Variants in PIKFYVE observed in about 807,000 individuals in gnomAD.
The protein encoded by PIKFYVE is 1-phosphatidylinositol 3-phosphate 5-kinase.
PIKFYVE carries 122 observed loss-of-function variants against 257.9 expected under a neutral mutation model. The ratio of observed to expected loss-of-function variants is 0.47; its 90% CI spans 0.41 to 0.55. PIKFYVE has a LOEUF of 0.55. Among genes scored for constraint, PIKFYVE ranks in the 20% least tolerant of loss-of-function variants. PIKFYVE has a pLI of 0.00. For missense variants in PIKFYVE, 2,160 were observed against 2,536.6 expected, an observed-to-expected ratio of 0.85 and a Z score of 3.19; for synonymous variants, 892 against 868.9, an observed-to-expected ratio of 1.03 and a Z score of -0.47.
At chr2:208,333,625 G>T in intron 24 of PIKFYVE, 132 bp downstream of exon 24, 1 of 951,446 alleles carries the variant, frequency 1.1e-6, no homozygotes, top group Non-Finnish European at 1.6e-6. Context: ...AAATGCAGAG[G>T]ACCAGACTGT....
At chr2:208,273,395 C>A (rs1038835499) in intron 2 of PIKFYVE, among the ~76,000 whole-genome samples, 189 bp from the exon 3 acceptor site, 2 of 151,562 alleles carry the variant, frequency 1.3e-5, no homozygotes, top group Non-Finnish European at 2.9e-5. Context: ...GCCAGGAGTT[C>A]AGTACCAGCC....
chr2:208,285,152 A>G (rs1014302495), intron 5 of PIKFYVE, among the ~76,000 whole-genome samples: 4 of 152,116 alleles, frequency 2.6e-5, no homozygotes, highest in South Asian at 4.2e-4. Context: ...CTGGAGTGCA[A>G]TGGCACAGTC....
In PIKFYVE at chr2:208,325,982, C is replaced by T. The variant is rs1026074485; in HGVS notation, c.3171C>T (p.Ser1057=). The T allele has an allele frequency of 1.2e-6, 2 of 1,613,934 alleles. No homozygotes were observed. Among genetic ancestry groups the T allele is most frequent in the African/African-American group, 1.3e-5 (1 of 75,006 alleles). Residue 1057 remains serine, a synonymous_variant, in exon 20 of 42, where the codon TCC becomes TCT. Coordinates refer to ENST00000264380, the MANE Select transcript of PIKFYVE (RefSeq NM_015040.4). ...QELKDVILCI[S]PVITFREPFL... is the part of the protein sequence containing the mutation. ...TAAAAGATGTGATCCTCTGTATCTCCCCAGTAATCACATTCCGAGAACCCT... is the reference window on the plus strand; with the variant it reads ...TAAAAGATGTGATCCTCTGTATCTCTCCAGTAATCACATTCCGAGAACCCT...
intron 35 of PIKFYVE, among the ~76,000 whole-genome samples, chr2:208,349,372 TAAAC>T (rs1699547120): frequency 6.6e-6 from 1 of 151,906 alleles, no homozygotes; most frequent in African/African-American, 2.4e-5. Context: ...CTCTAATAAT[TAAAC>T]AGAAAGTAGT....
intron 12 of PIKFYVE, among the ~76,000 whole-genome samples, chr2:208,305,849 A>G (rs1470043886): frequency 6.6e-6 from 1 of 152,230 alleles, no homozygotes; most frequent in African/African-American, 2.4e-5. Context: ...GTAATAACTG[A>G]AAAATCATTA....
intron 32 of PIKFYVE, 117 bp downstream of exon 32, chr2:208,342,766 A>G: frequency 1.4e-6 from 1 of 726,744 alleles, no homozygotes; most frequent in South Asian, 1.5e-5. Flanking sequence ...AAGCAAAAAT[A>G]TATGTTCTTT....
chr2:208,345,889 C>G (rs1451113714), intron 33 of PIKFYVE, among the ~76,000 whole-genome samples, 161 bp from the exon 34 acceptor site: 1 of 151,908 alleles, frequency 6.6e-6, no homozygotes, highest in Non-Finnish European at 1.5e-5. Context: ...TTTCTGTGTT[C>G]TAGCCTGTGT....
Position 208,358,467 on chromosome 2 carries a change from T to C in PIKFYVE, c.*3162T>C, listed in dbSNP as rs1700288649. 6.6e-6 allele frequency: 1 copy of C among 152,584 alleles called. No individual in the cohort carries two copies. The highest frequency in any genetic ancestry group is 2.1e-4 in the South Asian group (1 of 4,830). The allele number at this position is 152,584 out of a possible 1,614,324, so 9.5% of individuals were successfully genotyped here. A position where few individuals can be genotyped will look rare whatever the true frequency, so the allele number is the denominator to read the frequency against. ...TAAAAACTACAATCATTAGCAGTTT[T>C]AATACTGCTGTGTCAGTTTTGTAAA... On this transcript the variant is annotated 3_prime_UTR_variant, in exon 42 of 42. Transcript: ENST00000264380.
intron 25 of PIKFYVE, 122 bp downstream of exon 25, chr2:208,335,541 G>A: frequency 1.1e-6 from 1 of 889,056 alleles, no homozygotes; most frequent in South Asian, 1.6e-5. Context: ...TGCATGCTTG[G>A]TGTACAAAAA....
rs769659773 is a variant in PIKFYVE at position 208,350,929 on chromosome 2, G to A, written c.5593G>A (p.Ala1865Thr). ...GGCCCGGGGAGGCAAATCAGGAGCTGCCTTCTATGCAACTGAGGGTGAGCC... is the reference window on the plus strand; with the variant it reads ...GGCCCGGGGAGGCAAATCAGGAGCTACCTTCTATGCAACTGAGGGTGAGCC... ...WQARGGKSGA[A>T]FYATEDDRFI... Residue 1865 changes from alanine (A) to threonine (T), a missense_variant, in exon 37 of 42, where the codon GCC becomes ACC. Physicochemically the swap from Ala to Thr is moderately conservative, Grantham distance 58. This residue lies in a region of PIKFYVE where 699 missense variants were observed against 855.8 expected (regional missense o/e 0.82). Coordinates refer to ENST00000264380, the MANE Select transcript of PIKFYVE (RefSeq NM_015040.4). 1 of 1,614,112 alleles carries A rather than the reference G, an allele frequency of 6.2e-7. No individual in the cohort carries two copies. The highest frequency in any genetic ancestry group is 8.5e-7 in the Non-Finnish European group (1 of 1,180,018).
rs77029623 is a variant in PIKFYVE at position 208,297,660 on chromosome 2, T to C, written c.912-981T>C. 7.7e-4 allele frequency among the ~76,000 whole-genome samples: 117 copies of C among 152,302 alleles called. 1 individual carries two copies. The East Asian group carries it at 0.021, about 28-fold the overall frequency. ...CATAGGATGCTGTGAAGATTAAATGTGGGAAGATACAGATACTGCCCTAAT... is the reference window on the plus strand; with the variant it reads ...CATAGGATGCTGTGAAGATTAAATGCGGGAAGATACAGATACTGCCCTAAT... On this transcript the variant is annotated intron_variant, in intron 7 of 41. Coordinates refer to ENST00000264380, the MANE Select transcript of PIKFYVE (RefSeq NM_015040.4).
intron 10 of PIKFYVE, among the ~76,000 whole-genome samples, chr2:208,303,263 A>G (rs1006034745): frequency 2.5e-5 from 3 of 122,238 alleles, no homozygotes; most frequent in Non-Finnish European, 3.4e-5. Flanking sequence ...ATATAAACAT[A>G]TATATACATA....
intron 31 of PIKFYVE, among the ~76,000 whole-genome samples, chr2:208,341,993 G>GT (rs1265200838): frequency 6.6e-6 from 1 of 151,240 alleles, no homozygotes; most frequent in Non-Finnish European, 1.5e-5. Flanking sequence ...TCTTACACAT[G>GT]TAAGATCCTT....
chr2:208,339,369 T>C (rs757062230), intron 29 of PIKFYVE, 49 bp from the exon 30 acceptor site: 5 of 1,597,534 alleles, frequency 3.1e-6, no homozygotes, highest in South Asian at 1.1e-5. Flanking sequence ...TAGGTAGACA[T>C]GGACTTAATG....
At chr2:208,305,514 T>C (rs1694218120) in intron 12 of PIKFYVE, 1 of 846,352 alleles carries the variant, frequency 1.2e-6, no homozygotes, top group Non-Finnish European at 1.4e-6. Flanking sequence ...ATGTATATTC[T>C]ATATTTATTA....
intron 29 of PIKFYVE, 55 bp downstream of exon 29, chr2:208,338,623 T>C (rs1698403104): frequency 1.9e-6 from 3 of 1,547,156 alleles, no homozygotes; most frequent in Admixed American, 3.3e-5. Flanking sequence ...AATTTCTTAT[T>C]GTATAAGTTG....
chr2:208,312,284 C>T lies in PIKFYVE; in HGVS notation c.1685C>T (p.Ala562Val). The T allele has an allele frequency of 1.2e-6, 2 of 1,609,228 alleles. No homozygotes were observed. The highest frequency in any genetic ancestry group is 1.7e-6 in the Non-Finnish European group (2 of 1,176,702). The change falls in exon 13 of 42, where the codon GCT (alanine) becomes GTT (valine). Residue 562 changes from alanine to valine, a missense_variant. Physicochemically the swap from Ala to Val is moderately conservative, Grantham distance 64. Around this residue, in one of 12 missense-constraint regions of PIKFYVE, gnomAD observed 346 missense variants for 365.6 expected, o/e 0.95. Transcript: ENST00000264380. ...GGACAACAGCTCTCAATAAGTGACGCTTTCATCAAAGGTAATTTTATAAAA... is the reference window on the plus strand; with the variant it reads ...GGACAACAGCTCTCAATAAGTGACGTTTTCATCAAAGGTAATTTTATAAAA... ...TGGQQLSISD[A>V]FIKESLFNRR...
chr2:208,341,001 TA>T (rs1698646607), intron 31 of PIKFYVE, among the ~76,000 whole-genome samples: 1 of 152,092 alleles, frequency 6.6e-6, no homozygotes, highest in South Asian at 2.1e-4. Context: ...CATTTATTTT[TA>T]TTTTTTTAAT....
intron 7 of PIKFYVE, among the ~76,000 whole-genome samples, chr2:208,289,943 C>T (rs952289237): frequency 4.6e-5 from 7 of 152,020 alleles, no homozygotes; most frequent in African/African-American, 1.5e-4. Flanking sequence ...CATCATTATC[C>T]TTTATATATT....
Sources: gnomAD v4.1 joint callset for allele counts (sites outside exome capture counted in the v4.1 genomes callset) on GRCh38, gnomAD v4.1.1 for gene constraint, gnomAD v4.1.1 regional missense constraint, MANE v1.5 for transcripts, NCBI Gene and HGNC (gene_info 2026-07-23, HGNC 2026-07-21) for gene names.